Variants in TSHZ2 observed in about 807,000 individuals in gnomAD.
The protein encoded by TSHZ2 is teashirt zinc finger homeobox 2.
Under a neutral mutation model 74.4 loss-of-function variants are expected in TSHZ2, and 21 were observed. That is an observed-to-expected ratio of 0.28 (90% CI 0.20 to 0.41). TSHZ2 has a LOEUF of 0.41. Among genes scored for constraint, TSHZ2 ranks in the 10% least tolerant of loss-of-function variants. The probability of loss-of-function intolerance (pLI) is 1.00; values close to 1 mark genes in which losing one functional copy is unlikely to be tolerated. For missense variants in TSHZ2, 1,244 were observed against 1,293.5 expected, an observed-to-expected ratio of 0.96 and a Z score of 0.59; for synonymous variants, 540 against 515.3, an observed-to-expected ratio of 1.05 and a Z score of -0.65.
chr20:53,393,952 A>T (rs1982353857), intron 2 of TSHZ2, among the ~76,000 whole-genome samples: 1 of 152,266 alleles, frequency 6.6e-6, no homozygotes, highest in Admixed American at 6.5e-5. Flanking sequence ...CAGGTGAGGT[A>T]GGAAAAGTTA....
At chr20:52,996,531 T>C (rs1400046690) in intron 1 of TSHZ2, among the ~76,000 whole-genome samples, 1 of 152,116 alleles carries the variant, frequency 6.6e-6, no homozygotes, top group African/African-American at 2.4e-5. Flanking sequence ...CCTGGAGGAA[T>C]ATGGGCATTC....
At chr20:53,077,075 T>C (rs1375028256) in intron 1 of TSHZ2, among the ~76,000 whole-genome samples, 1 of 152,104 alleles carries the variant, frequency 6.6e-6, no homozygotes, top group Non-Finnish European at 1.5e-5. Context: ...TCTCAGGTGC[T>C]GAAGACACAA....
At chr20:53,433,778 G>A (rs1983938587) in intron 2 of TSHZ2, among the ~76,000 whole-genome samples, 2 of 152,124 alleles carry the variant, frequency 1.3e-5, no homozygotes, top group Admixed American at 1.3e-4. Context: ...CAATTGACTG[G>A]AAATCTGTTT....
chr20:53,099,242 C>A (rs993761222), intron 1 of TSHZ2, among the ~76,000 whole-genome samples: 2 of 152,172 alleles, frequency 1.3e-5, no homozygotes, highest in African/African-American at 2.4e-5. Flanking sequence ...AAGGCAAGTT[C>A]TTCACAGAAG....
intron 2 of TSHZ2, among the ~76,000 whole-genome samples, chr20:53,381,863 T>A (rs553742442): frequency 6.6e-6 from 1 of 152,176 alleles, no homozygotes; most frequent in African/African-American, 2.4e-5. Flanking sequence ...CATTCCCAAA[T>A]CCACAGGGTT....
At chr20:53,460,310 G>A (rs12903212) in intron 2 of TSHZ2, among the ~76,000 whole-genome samples, 14,325 of 151,788 alleles carry the variant, frequency 0.094, 805 homozygotes, top group African/African-American at 0.15. Flanking sequence ...ATCTTCCATC[G>A]CTGATACCCT....
chr20:53,049,418 G>C (rs1206071843), intron 1 of TSHZ2, among the ~76,000 whole-genome samples: 1 of 151,808 alleles, frequency 6.6e-6, no homozygotes, highest in Non-Finnish European at 1.5e-5. Flanking sequence ...AAACTCAACT[G>C]AGAGGTCACC....
chr20:53,063,148 C>G (rs930122024), intron 1 of TSHZ2, among the ~76,000 whole-genome samples: 2 of 152,106 alleles, frequency 1.3e-5, no homozygotes, highest in African/African-American at 4.8e-5. Context: ...GGCACAGAGA[C>G]TTGAAGTGAG....
chr20:52,988,219 T>C (rs1389312970), intron 1 of TSHZ2, among the ~76,000 whole-genome samples: 1 of 152,168 alleles, frequency 6.6e-6, no homozygotes, highest in Non-Finnish European at 1.5e-5. Flanking sequence ...CCAAAAGGAC[T>C]AAGCTTGTAC....
chr20:53,397,215 C>A (rs1208415110), intron 2 of TSHZ2, among the ~76,000 whole-genome samples: 4 of 152,166 alleles, frequency 2.6e-5, no homozygotes, highest in Admixed American at 2.0e-4. Flanking sequence ...AAAATTTCTG[C>A]AATCTACCCA....
chr20:53,223,520 T>C (rs1989611643), intron 1 of TSHZ2, among the ~76,000 whole-genome samples: 1 of 152,132 alleles, frequency 6.6e-6, no homozygotes, highest in South Asian at 2.1e-4. Context: ...GCCTCCCAGA[T>C]AGCTGGGACT....
At chr20:53,479,037 T>C (rs931970258) in intron 2 of TSHZ2, among the ~76,000 whole-genome samples, 6 of 152,012 alleles carry the variant, frequency 3.9e-5, no homozygotes, top group African/African-American at 1.4e-4. Context: ...TGGTGGCGCA[T>C]GCCTGTAATC....
intron 1 of TSHZ2, among the ~76,000 whole-genome samples, chr20:53,226,032 GTATATGA>G (rs1273519580): frequency 6.6e-6 from 1 of 151,138 alleles, no homozygotes; most frequent in Non-Finnish European, 1.5e-5. Context: ...AAATATACAT[GTATATGA>G]TAAAGTATGT....
chr20:53,327,307 C>T (rs984914023), intron 2 of TSHZ2, among the ~76,000 whole-genome samples: 3 of 152,278 alleles, frequency 2.0e-5, no homozygotes, highest in African/African-American at 4.8e-5. Context: ...TAACTAATGA[C>T]GTACAGCCAT....
intron 2 of TSHZ2, among the ~76,000 whole-genome samples, chr20:53,466,336 C>T (rs1600663070): frequency 6.6e-6 from 1 of 151,704 alleles, no homozygotes; most frequent in Admixed American, 6.6e-5. Context: ...GAGGGCATAC[C>T]GTTCTTATTA....
intron 1 of TSHZ2, among the ~76,000 whole-genome samples, chr20:53,223,688 G>T (rs374199998): frequency 6.6e-6 from 1 of 151,960 alleles, no homozygotes; most frequent in Admixed American, 6.6e-5. Flanking sequence ...GAGCCACTGC[G>T]CCCAGCCCCA....
intron 1 of TSHZ2, among the ~76,000 whole-genome samples, chr20:53,055,518 A>T (rs915129179): frequency 6.6e-6 from 1 of 152,206 alleles, no homozygotes; most frequent in African/African-American, 2.4e-5. Flanking sequence ...GCTGTTAGTT[A>T]TAATTTTTTT....
At chr20:53,374,564 C>G (rs1003784537) in intron 2 of TSHZ2, among the ~76,000 whole-genome samples, 4 of 152,148 alleles carry the variant, frequency 2.6e-5, no homozygotes, top group Non-Finnish European at 5.9e-5. Context: ...GAGAAATCTC[C>G]AAACTGCTTT....
At chr20:53,141,849 C>T (rs1263538609) in intron 1 of TSHZ2, among the ~76,000 whole-genome samples, 3 of 152,228 alleles carry the variant, frequency 2.0e-5, no homozygotes, top group Admixed American at 2.0e-4. Flanking sequence ...AGCCACAGTG[C>T]CTCCATCACC....
Sources: gnomAD v4.1 joint callset for allele counts (sites outside exome capture counted in the v4.1 genomes callset) on GRCh38, gnomAD v4.1.1 for gene constraint, MANE v1.5 for transcripts, NCBI Gene and HGNC (gene_info 2026-07-23, HGNC 2026-07-21) for gene names.